The following INPP4B variants were observed in gnomAD, a reference collection of about 807,000 sequenced individuals.
INPP4B encodes the protein inositol polyphosphate-4-phosphatase type II B.
Under a neutral mutation model 122.5 loss-of-function variants are expected in INPP4B, and 55 were observed. The ratio of observed to expected loss-of-function variants is 0.45; its 90% CI spans 0.36 to 0.56. The LOEUF is 0.56. Ranked by LOEUF, INPP4B falls within the 20% of genes least tolerant of loss-of-function variation. The pLI is 0.00. For missense variants in INPP4B, 1,000 were observed against 1,097.7 expected (o/e 0.91, Z 1.26); for synonymous variants, 403 against 388.7 (o/e 1.04, Z -0.43).
chr4:142,393,846 G>A (rs546333926), intron 7 of INPP4B, among the ~76,000 whole-genome samples: 2 of 152,266 alleles, frequency 1.3e-5, no homozygotes, highest in Admixed American at 6.5e-5. Context: ...TGCCACCTCC[G>A]TTTTCTTGTC....
intron 2 of INPP4B, among the ~76,000 whole-genome samples, chr4:142,682,341 A>G (rs1406669477): frequency 6.6e-6 from 1 of 151,706 alleles, no homozygotes; most frequent in Non-Finnish European, 1.5e-5. Flanking sequence ...TCTAAGCTTG[A>G]ACACGGATTA....
intron 23 of INPP4B, among the ~76,000 whole-genome samples, chr4:142,104,962 A>T (rs1786262607): frequency 6.6e-6 from 1 of 152,100 alleles, no homozygotes; most frequent in Non-Finnish European, 1.5e-5. Context: ...CTGCCAACAC[A>T]GAACACACAT....
chr4:142,656,073 G>A (rs1366243617), intron 2 of INPP4B, among the ~76,000 whole-genome samples: 1 of 152,176 alleles, frequency 6.6e-6, no homozygotes, highest in Non-Finnish European at 1.5e-5. Context: ...CAACCAGCCT[G>A]CACACTGGAG....
chr4:142,322,174 G>T (rs527959928), intron 7 of INPP4B, among the ~76,000 whole-genome samples: 2 of 151,944 alleles, frequency 1.3e-5, no homozygotes, highest in African/African-American at 4.8e-5. Context: ...CTTAGATAAC[G>T]GTTTTCTAGT....
At chr4:142,842,145 G>A (rs895215161) in intron 1 of INPP4B, among the ~76,000 whole-genome samples, 2 of 151,688 alleles carry the variant, frequency 1.3e-5, no homozygotes, top group African/African-American at 4.8e-5. Flanking sequence ...CCTTTAATCA[G>A]TTTAAACAAA....
chr4:142,175,656 A>G (rs1214090504), intron 15 of INPP4B, among the ~76,000 whole-genome samples: 1 of 152,054 alleles, frequency 6.6e-6, no homozygotes, highest in Non-Finnish European at 1.5e-5. Context: ...GAAAGGAAAC[A>G]GTAGTCCTAG....
chr4:142,644,495 C>A (rs1751281656), intron 2 of INPP4B, among the ~76,000 whole-genome samples: 1 of 151,578 alleles, frequency 6.6e-6, no homozygotes, highest in Non-Finnish European at 1.5e-5. Flanking sequence ...TTTTATTTTG[C>A]CAAACTTTGG....
intron 1 of INPP4B, among the ~76,000 whole-genome samples, chr4:142,782,701 T>C (rs542381006): frequency 1.7e-3 from 266 of 152,236 alleles, no homozygotes; most frequent in African/African-American, 5.8e-3. Flanking sequence ...GATATCTCAT[T>C]GTGGTTTTGA....
chr4:142,746,452 G>A (rs1299658101), intron 1 of INPP4B, among the ~76,000 whole-genome samples: 1 of 152,084 alleles, frequency 6.6e-6, no homozygotes, highest in Admixed American at 6.6e-5. Context: ...ACTGCCCAAA[G>A]TAATTTACAG....
intron 3 of INPP4B, among the ~76,000 whole-genome samples, chr4:142,433,683 T>C (rs942597773): frequency 2.0e-5 from 3 of 152,114 alleles, no homozygotes; most frequent in Admixed American, 6.5e-5. Context: ...AAGGGGCAAA[T>C]GTGATGTGTT....
At chr4:142,459,204 T>TA (rs2149572552) in intron 3 of INPP4B, among the ~76,000 whole-genome samples, 1 of 151,890 alleles carries the variant, frequency 6.6e-6, no homozygotes, top group Non-Finnish European at 1.5e-5. Context: ...ATTCACATAT[T>TA]ATGTGGCTTG....
intron 9 of INPP4B, among the ~76,000 whole-genome samples, chr4:142,299,810 C>A (rs546844956): frequency 1.3e-5 from 2 of 151,918 alleles, no homozygotes; most frequent in South Asian, 4.2e-4. Flanking sequence ...TACCACCCCC[C>A]CAAAAAACTG....
chr4:142,511,743 A>G (rs910551211), intron 2 of INPP4B, among the ~76,000 whole-genome samples: 9 of 152,136 alleles, frequency 5.9e-5, no homozygotes, highest in Non-Finnish European at 1.3e-4. Flanking sequence ...CATTTTGAGA[A>G]CCAATGCTTT....
chr4:142,099,274 C>T (rs1482465799), intron 23 of INPP4B, among the ~76,000 whole-genome samples: 1 of 152,108 alleles, frequency 6.6e-6, no homozygotes, highest in African/African-American at 2.4e-5. Context: ...CATAATATTC[C>T]TCTCTATTGC....
In INPP4B at chr4:142,818,209, TC is replaced by T. The variant is rs1365079809; in HGVS notation, c.-254+27999del. Among the ~76,000 whole-genome samples the T allele has an allele frequency of 2.6e-5, 4 of 152,094 alleles. No individual in the cohort carries two copies. In the East Asian group the frequency reaches 7.7e-4, roughly 29 times the overall value. On this transcript the variant is annotated intron_variant, in intron 1 of 25. Transcript: ENST00000262992. The stretch of plus-strand genomic sequence containing the variant: ...GTGCAGCTTGCATGTAGTCACTGAG[TC>T]CCCCCTACTCCCCTGCCCTGGCCAG...
chr4:142,653,829 A>G (rs1168015284), intron 2 of INPP4B, among the ~76,000 whole-genome samples: 1 of 152,216 alleles, frequency 6.6e-6, no homozygotes, highest in Non-Finnish European at 1.5e-5. Context: ...TCAAGGATCT[A>G]GAACTAGAAA....
intron 1 of INPP4B, among the ~76,000 whole-genome samples, chr4:142,837,197 C>A (rs1376989613): frequency 6.8e-6 from 1 of 146,100 alleles, no homozygotes; most frequent in African/African-American, 2.8e-5. Context: ...AAAGGAAAAC[C>A]AAGGTCTCAA....
At chr4:142,262,192 A>G (rs567940346) in intron 10 of INPP4B, among the ~76,000 whole-genome samples, 17 of 152,336 alleles carry the variant, frequency 1.1e-4, no homozygotes, top group African/African-American at 4.1e-4. Flanking sequence ...GTTCTACTCT[A>G]CAATGAATAA....
Position 142,565,282 on chromosome 4 carries a change from A to G in INPP4B, c.-190-102556T>C, listed in dbSNP as rs1443874571. 3.3e-5 allele frequency among the ~76,000 whole-genome samples: 5 copies of G among 152,224 alleles called. No individual in the cohort carries two copies. The East Asian group carries it at 9.6e-4, about 29-fold the overall frequency. On this transcript the variant is annotated intron_variant, in intron 2 of 25. Transcript: ENST00000262992. ...AGCCTGAAATATTTTGTGCTAGAAA[A>G]TACCAAAGAGTTAAAAAGAAAGAAA...
Sources: gnomAD v4.1 joint callset for allele counts (sites outside exome capture counted in the v4.1 genomes callset) on GRCh38, gnomAD v4.1.1 for gene constraint, MANE v1.5 for transcripts, NCBI Gene and HGNC (gene_info 2026-07-23, HGNC 2026-07-21) for gene names.